Variants in UST observed in about 807,000 individuals in gnomAD.
UST encodes the protein uronyl 2-sulfotransferase, also known as chondroitin sulfate 2-O-sulfotransferase.
UST carries 21 observed loss-of-function variants against 45.6 expected under a neutral mutation model. That is an observed-to-expected ratio of 0.46 (90% CI 0.33 to 0.66). The LOEUF (loss-of-function observed/expected upper bound fraction) is 0.66, where lower values mean the gene tolerates loss of function less well. UST is among the 30% of genes least tolerant of loss of function. The pLI, the probability that UST is intolerant of heterozygous loss-of-function variation, is 0.02. For synonymous variants in UST, 215 were observed against 200.6 expected (o/e 1.07, Z -0.61); for missense variants, 463 against 512.4 (o/e 0.90, Z 0.93).
chr6:149,073,193 C>T (rs1776843016), intron 7 of UST, among the ~76,000 whole-genome samples: 1 of 152,086 alleles, frequency 6.6e-6, no homozygotes, highest in South Asian at 2.1e-4. Flanking sequence ...GCCATAATCC[C>T]AGCACTTTGG....
chr6:148,845,668 G>A (rs892408187), intron 1 of UST, among the ~76,000 whole-genome samples: 38 of 152,154 alleles, frequency 2.5e-4, no homozygotes, highest in African/African-American at 9.2e-4. Flanking sequence ...GGGTCATAGA[G>A]TAGAAACATG....
intron 1 of UST, among the ~76,000 whole-genome samples, chr6:148,785,701 G>A (rs1414839241): frequency 1.3e-5 from 2 of 152,152 alleles, no homozygotes; most frequent in African/African-American, 4.8e-5. Flanking sequence ...GTTTGGATGA[G>A]ATTTCAAGAT....
chr6:149,013,847 A>G (rs773899899), intron 5 of UST, among the ~76,000 whole-genome samples: 1 of 152,234 alleles, frequency 6.6e-6, no homozygotes, highest in Non-Finnish European at 1.5e-5. Flanking sequence ...AAAAACACCA[A>G]TAAGTCTTTT....
chr6:148,976,271 C>T (rs541232176), intron 5 of UST, among the ~76,000 whole-genome samples: 3 of 152,110 alleles, frequency 2.0e-5, no homozygotes, highest in African/African-American at 4.8e-5. Context: ...CCACCTCTGG[C>T]GGGGGTGGGG....
At chr6:148,776,662 G>A (rs1437841955) in intron 1 of UST, among the ~76,000 whole-genome samples, 6 of 152,168 alleles carry the variant, frequency 3.9e-5, no homozygotes, top group African/African-American at 1.4e-4. Flanking sequence ...TCTAGAAAGT[G>A]AAAGTTTAGA....
In UST at chr6:148,865,698, GT is replaced by G. The variant is rs1358730210; in HGVS notation, c.248-21287del. On this transcript the variant is annotated intron_variant, in intron 1 of 7. Coordinates refer to ENST00000367463, the MANE Select transcript of UST (RefSeq NM_005715.3). ...TGTGTGTGTGTGTGTGTGTGTGTGT[GT>G]GTGTGTGTGTGTGTGAATTCAGAGA... Among the ~76,000 whole-genome samples, 14 of 147,884 alleles carry G rather than the reference GT, an allele frequency of 9.5e-5. No individual in the cohort carries two copies. The East Asian group carries it at 9.7e-4, about 10-fold the overall frequency.
chr6:149,006,717 T>C (rs1438815052), intron 5 of UST, among the ~76,000 whole-genome samples: 1 of 152,254 alleles, frequency 6.6e-6, no homozygotes, highest in Non-Finnish European at 1.5e-5. Flanking sequence ...CCACCAACAG[T>C]GCAAAATGTT....
At chr6:148,798,361 G>T (rs147513659) in intron 1 of UST, among the ~76,000 whole-genome samples, 2 of 152,264 alleles carry the variant, frequency 1.3e-5, no homozygotes, top group East Asian at 3.9e-4. Context: ...TGGGCTTAGT[G>T]GTGGGGAATG....
At chr6:148,781,126 G>A (rs1173494244) in intron 1 of UST, among the ~76,000 whole-genome samples, 1 of 152,176 alleles carries the variant, frequency 6.6e-6, no homozygotes, top group Non-Finnish European at 1.5e-5. Flanking sequence ...AAATGATTAA[G>A]CTTAGTGAGG....
In UST at chr6:148,748,640, A is replaced by G. The variant is rs1775927197; in HGVS notation, c.247+963A>G. On this transcript the variant is annotated intron_variant, in intron 1 of 7. Transcript: ENST00000367463. The surrounding 1 kb of genome is among the most constrained non-coding windows in gnomAD (Gnocchi z 5.3). ...AGGACGATGCTGGCACTCGCGTTCG[A>G]GCCAAGGGAGGATGCAGATCCCTCC... is the stretch of plus-strand genomic sequence containing the variant. 6.6e-6 allele frequency among the ~76,000 whole-genome samples: 1 copy of G among 152,088 alleles called. No individual in the cohort carries two copies. Among genetic ancestry groups the G allele is most frequent in the Non-Finnish European group, 1.5e-5 (1 of 68,026 alleles).
At chr6:148,777,788 C>T (rs1464163042) in intron 1 of UST, among the ~76,000 whole-genome samples, 3 of 152,200 alleles carry the variant, frequency 2.0e-5, no homozygotes, top group South Asian at 2.1e-4. Context: ...CTTAGGTGAT[C>T]TACCTGCCTC....
At chr6:148,832,314 A>C (rs934082272) in intron 1 of UST, among the ~76,000 whole-genome samples, 3 of 152,250 alleles carry the variant, frequency 2.0e-5, no homozygotes, top group African/African-American at 7.2e-5. Context: ...TCTGAGATGT[A>C]TCTGAGGATA....
chr6:148,894,911 G>A (rs1193924565), intron 2 of UST, among the ~76,000 whole-genome samples: 8 of 142,110 alleles, frequency 5.6e-5, no homozygotes, highest in African/African-American at 1.9e-4. Context: ...TCCGCCTCCC[G>A]GATTCAAGCA....
rs78254637 is a variant in UST, at chr6:148,799,442, A to T, written c.247+51765A>T. On this transcript the variant is annotated intron_variant, in intron 1 of 7. Transcript: ENST00000367463. ...TTGGCCCAAAGTGGTCAGTTAATAG[A>T]TACTAGCTGGAAGCATTGATAAGGT... 8.2e-3 allele frequency among the ~76,000 whole-genome samples: 1,242 copies of T among 152,220 alleles called. 16 individuals carry two copies. The highest frequency in any genetic ancestry group is 0.028 in the African/African-American group (1,143 of 41,530).
rs577432909 is a variant in UST at position 149,002,279 on chromosome 6, GA to G, written c.682-16853del. On this transcript the variant is annotated intron_variant, in intron 5 of 7. Coordinates refer to ENST00000367463, the MANE Select transcript of UST (RefSeq NM_005715.3). ...AGACATGAAAAGAAAAAAGATGCAG[GA>G]AAAAAAGAATAGCAAATTTTAAAAA... Among the ~76,000 whole-genome samples, 286 of 151,802 alleles carry G rather than the reference GA, an allele frequency of 1.9e-3. 1 individual carries two copies. The highest frequency in any genetic ancestry group is 6.5e-3 in the African/African-American group (270 of 41,428).
intron 1 of UST, among the ~76,000 whole-genome samples, chr6:148,808,094 G>T (rs1042093310): frequency 6.6e-6 from 1 of 152,174 alleles, no homozygotes. Context: ...GACATCCAAG[G>T]ACAGGCACCC....
At chr6:148,929,649 A>G (rs1402227894) in intron 2 of UST, among the ~76,000 whole-genome samples, 1 of 152,216 alleles carries the variant, frequency 6.6e-6, no homozygotes, top group African/African-American at 2.4e-5. Flanking sequence ...TTACGAGAGA[A>G]TGTATTCTCT....
At chr6:149,039,372 A>G (rs1402797446) in intron 7 of UST, among the ~76,000 whole-genome samples, 1 of 152,084 alleles carries the variant, frequency 6.6e-6, no homozygotes, top group Non-Finnish European at 1.5e-5. Flanking sequence ...GTTTACAGGC[A>G]TGCACCACCA....
chr6:148,963,850 T>G (rs888398413), intron 4 of UST, among the ~76,000 whole-genome samples: 5 of 152,206 alleles, frequency 3.3e-5, no homozygotes, highest in African/African-American at 1.2e-4. Flanking sequence ...CATGAGGTAT[T>G]TAGAACAAGG....
Sources: gnomAD v4.1 joint callset for allele counts (sites outside exome capture counted in the v4.1 genomes callset) on GRCh38, gnomAD v4.1.1 for gene constraint, Gnocchi (gnomAD v3.1) non-coding constraint, MANE v1.5 for transcripts, NCBI Gene and HGNC (gene_info 2026-07-23, HGNC 2026-07-21) for gene names.